Variants in ANKRD6 observed in about 807,000 individuals in gnomAD.
ANKRD6 encodes ankyrin repeat domain-containing protein 6.
A neutral mutation model predicts 82.3 loss-of-function variants in ANKRD6; 56 were observed. The ratio of observed to expected loss-of-function variants is 0.68; its 90% CI spans 0.55 to 0.85. ANKRD6 has a LOEUF of 0.85. Among genes scored for constraint, ANKRD6 ranks in the 40% least tolerant of loss-of-function variants. The probability of loss-of-function intolerance (pLI) is 0.00; values close to 1 mark genes in which losing one functional copy is unlikely to be tolerated. For synonymous variants in ANKRD6, 347 were observed against 352.1 expected, an observed-to-expected ratio of 0.99 and a Z score of 0.16; for missense variants, 852 against 907.6, an observed-to-expected ratio of 0.94 and a Z score of 0.79.
At chr6:89,502,891 G>A (rs1469066911) in intron 1 of ANKRD6, among the ~76,000 whole-genome samples, 1 of 152,080 alleles carries the variant, frequency 6.6e-6, no homozygotes, top group Non-Finnish European at 1.5e-5. Context: ...GTGGAGGTGG[G>A]GGTTGGCTGG....
At chr6:89,445,307 G>C (rs555949176) in intron 1 of ANKRD6, among the ~76,000 whole-genome samples, 8 of 104,678 alleles carry the variant, frequency 7.6e-5, no homozygotes, top group African/African-American at 3.0e-4. Context: ...GTCTTGCTCT[G>C]TTGCCCAGGC....
At chr6:89,463,388 A>C (rs1774441690) in intron 1 of ANKRD6, among the ~76,000 whole-genome samples, 1 of 152,214 alleles carries the variant, frequency 6.6e-6, no homozygotes, top group South Asian at 2.1e-4. Flanking sequence ...AAAAACACAG[A>C]AAGTATTGTA....
chr6:89,623,515 G>A lies in ANKRD6; in HGVS notation c.1003G>A (p.Asp335Asn). The A allele has an allele frequency of 6.3e-7, 1 of 1,589,658 alleles. No individual in the cohort carries two copies. The change falls in exon 11 of 16, where the codon GAT becomes AAT. Residue 335 changes from aspartate (D) to asparagine (N), a missense_variant. Physicochemically the swap from Asp to Asn is conservative, Grantham distance 23. Transcript: ENST00000339746. ...AGCCTCCCCAGAACCCAGAGCAAAGGATGACAGGAGGAGAAAGTCAAGGCC... is the reference window on the plus strand; with the variant it reads ...AGCCTCCCCAGAACCCAGAGCAAAGAATGACAGGAGGAGAAAGTCAAGGCC... ...LSASPEPRAK[D>N]DRRRKSRPKV...
intron 1 of ANKRD6, among the ~76,000 whole-genome samples, chr6:89,519,698 A>C (rs1286146723): frequency 6.6e-6 from 1 of 152,246 alleles, no homozygotes; most frequent in African/African-American, 2.4e-5. Flanking sequence ...TAGTAATAGC[A>C]GCTAGTATAC....
At chr6:89,628,249 AT>A in intron 14 of ANKRD6, 1 of 157,308 alleles carries the variant, frequency 6.4e-6, no homozygotes, top group Non-Finnish European at 1.4e-5. Context: ...CTATAAAGGA[AT>A]ACCTGAGGCT....
chr6:89,437,270 C>G (rs956266547), intron 1 of ANKRD6, among the ~76,000 whole-genome samples: 1 of 152,162 alleles, frequency 6.6e-6, no homozygotes, highest in Admixed American at 6.5e-5. Flanking sequence ...ATCTTTCCCC[C>G]ACCAGTTACA....
chr6:89,458,561 G>GA (rs1330852579), intron 1 of ANKRD6, among the ~76,000 whole-genome samples: 2 of 152,192 alleles, frequency 1.3e-5, no homozygotes, highest in African/African-American at 4.8e-5. Context: ...GAAGAACCTG[G>GA]AGTCTGATGT....
Position 89,613,812 on chromosome 6 carries a change from C to A in ANKRD6, c.537C>A (p.His179Gln), listed in dbSNP as rs1233915129. Residue 179 changes from histidine (H) to glutamine (Q), a missense_variant, in exon 7 of 16, where the codon CAC (histidine) becomes CAA (glutamine). Physicochemically the swap from His to Gln is conservative, Grantham distance 24. Transcript: ENST00000339746. ...LKNNAGDTCL[H>Q]VAARYNHLSI... ...CGCAGGCAGGAGACACCTGTTTGCA[C>A]GTTGCTGCGCGCTATAATCACTTGT... The A allele has an allele frequency of 6.2e-7, 1 of 1,614,022 alleles. No homozygotes were observed. The highest frequency in any genetic ancestry group is 1.1e-5 in the South Asian group (1 of 91,076).
At chr6:89,501,680 G>A (rs189474148) in intron 1 of ANKRD6, among the ~76,000 whole-genome samples, 39 of 152,310 alleles carry the variant, frequency 2.6e-4, no homozygotes, top group Admixed American at 1.6e-3. Flanking sequence ...CTGGGGAGGG[G>A]CTTTATGGAT....
At chr6:89,623,671 A>G in intron 11 of ANKRD6, 127 bp downstream of exon 11, 1 of 1,397,350 alleles carries the variant, frequency 7.2e-7, no homozygotes, top group Non-Finnish European at 9.6e-7. Flanking sequence ...GCCAGAGCAC[A>G]GAAATTAAAT....
At chr6:89,535,703 C>G (rs914162400) in intron 1 of ANKRD6, among the ~76,000 whole-genome samples, 1 of 152,194 alleles carries the variant, frequency 6.6e-6, no homozygotes, top group African/African-American at 2.4e-5. Context: ...TACAACAGCA[C>G]TTGACCTGTC....
intron 2 of ANKRD6, among the ~76,000 whole-genome samples, chr6:89,579,275 C>G (rs1379287671): frequency 6.6e-6 from 1 of 152,188 alleles, no homozygotes; most frequent in Non-Finnish European, 1.5e-5. Flanking sequence ...CTACCTGAAT[C>G]AGTATATGCA....
At chr6:89,543,786 G>A (rs145429343) in intron 1 of ANKRD6, among the ~76,000 whole-genome samples, 424 of 152,270 alleles carry the variant, frequency 2.8e-3, no homozygotes, top group African/African-American at 9.6e-3. Context: ...GGTAACACAC[G>A]TGTCAGTTTC....
intron 2 of ANKRD6, among the ~76,000 whole-genome samples, chr6:89,590,926 C>T (rs1028513540): frequency 1.3e-5 from 2 of 152,134 alleles, no homozygotes; most frequent in African/African-American, 4.8e-5. Flanking sequence ...GTGCCTTCTA[C>T]GCAATAAATG....
chr6:89,585,463 C>A (rs1400084767), intron 2 of ANKRD6, among the ~76,000 whole-genome samples: 1 of 152,192 alleles, frequency 6.6e-6, no homozygotes, highest in Non-Finnish European at 1.5e-5. Flanking sequence ...GAATTATACA[C>A]TTAAAAATTG....
intron 1 of ANKRD6, among the ~76,000 whole-genome samples, chr6:89,530,808 G>T (rs1328735186): frequency 6.6e-6 from 1 of 152,236 alleles, no homozygotes; most frequent in Non-Finnish European, 1.5e-5. Context: ...AGAGGTTCCA[G>T]TAACAGCTAC....
chr6:89,478,144 AG>A (rs1210145665), intron 1 of ANKRD6: 1 of 152,216 alleles, frequency 6.6e-6, no homozygotes, highest in Non-Finnish European at 1.5e-5. Context: ...GAAATTCGCT[AG>A]GCACGGTGGT....
chr6:89,619,503 C>G (rs1399052177), intron 9 of ANKRD6: 2 of 152,176 alleles, frequency 1.3e-5, no homozygotes, highest in African/African-American at 4.8e-5. Context: ...AGGATCTTCA[C>G]TTAAAGGGCA....
At chr6:89,559,420 C>T (rs1047459005) in intron 1 of ANKRD6, among the ~76,000 whole-genome samples, 1 of 152,214 alleles carries the variant, frequency 6.6e-6, no homozygotes, top group African/African-American at 2.4e-5. Flanking sequence ...AGAATGATCC[C>T]TCTCCCAGTT....
Sources: gnomAD v4.1 joint callset for allele counts (sites outside exome capture counted in the v4.1 genomes callset) on GRCh38, gnomAD v4.1.1 for gene constraint, MANE v1.5 for transcripts, NCBI Gene and HGNC (gene_info 2026-07-23, HGNC 2026-07-21) for gene names.